Variants in RAI1 observed in about 807,000 individuals in gnomAD.
RAI1 encodes retinoic acid induced 1.
RAI1 carries 9 observed loss-of-function variants against 123.8 expected under a neutral mutation model. The ratio of observed to expected loss-of-function variants is 0.07; its 90% CI spans 0.04 to 0.13. The LOEUF is 0.13. RAI1 is among the 10% of genes least tolerant of loss of function. The probability of loss-of-function intolerance (pLI) is 1.00; values close to 1 mark genes in which losing one functional copy is unlikely to be tolerated. For synonymous variants in RAI1, 1,231 were observed against 1,127.3 expected (o/e 1.09, Z -1.84); for missense variants, 2,256 against 2,545.8 (o/e 0.89, Z 2.45).
Position 17,795,914 on chromosome 17 carries a change from A to T in RAI1, c.2966A>T (p.Lys989Ile), listed in dbSNP as rs762596233. The T allele has an allele frequency of 1.9e-6, 3 of 1,610,712 alleles. No homozygotes were observed. The highest frequency in any genetic ancestry group is 2.5e-6 in the Non-Finnish European group (3 of 1,179,726). Residue 989 changes from lysine to isoleucine, a missense_variant, in exon 3 of 6, where the codon AAA becomes ATA. By Grantham distance (102) the Lys-to-Ile change is moderately radical (BLOSUM62 -3). Around this residue, in one of 7 missense-constraint regions of RAI1, gnomAD observed 566 missense variants for 616.0 expected, o/e 0.92. Coordinates refer to ENST00000353383, the MANE Select transcript of RAI1 (RefSeq NM_030665.4). The surrounding 1 kb of genome is among the most constrained non-coding windows in gnomAD (Gnocchi z 5.9). ...GTGCCCGAGGCGCCCATCGCAAAGA[A>T]AGAGCCTGTGCCACGGGGCAAAAGC... ...PAVPEAPIAK[K>I]EPVPRGKSLR...
At chr17:17,763,749 CA>C (rs2030804697) in intron 2 of RAI1, among the ~76,000 whole-genome samples, 1 of 152,204 alleles carries the variant, frequency 6.6e-6, no homozygotes, top group Non-Finnish European at 1.5e-5. Context: ...GTCCAGGCCA[CA>C]AAAAGCCTAG....
At position 17,797,627 on chromosome 17, in the gene RAI1, G is replaced by A. The variant is rs779135088; in HGVS notation, c.4679G>A (p.Arg1560Gln). ...CCCTGTAAGGGGCGTGCCAAGCGAC[G>A]ACGACAGCAGCAGGTGCTGCCCCTG... ...SSPCKGRAKR[R>Q]RQQQVLPLDP... Residue 1560 changes from arginine (R) to glutamine (Q), a missense_variant, in exon 3 of 6, where the codon CGA (arginine) becomes CAA (glutamine). Physicochemically the swap from Arg to Gln is conservative, Grantham distance 43 (BLOSUM62 1). Transcript: ENST00000353383. The A allele has an allele frequency of 1.6e-5, 26 of 1,613,794 alleles. No individual in the cohort carries two copies. The highest frequency in any genetic ancestry group is 2.2e-5 in the East Asian group (1 of 44,884).
At chr17:17,789,885 C>T (rs767159168) in intron 2 of RAI1, among the ~76,000 whole-genome samples, 2 of 152,070 alleles carry the variant, frequency 1.3e-5, no homozygotes, top group African/African-American at 4.8e-5. Context: ...AGGAGTGAGC[C>T]CAGTGGGTGG....
chr17:17,710,081 C>T (rs1035022577), intron 1 of RAI1, among the ~76,000 whole-genome samples: 14 of 152,186 alleles, frequency 9.2e-5, no homozygotes, highest in East Asian at 1.9e-4. Flanking sequence ...GCCCCGGCCA[C>T]GCTCATGTCA....
intron 1 of RAI1, among the ~76,000 whole-genome samples, chr17:17,720,559 G>T (rs1215149271): frequency 3.9e-5 from 6 of 152,190 alleles, no homozygotes; most frequent in Non-Finnish European, 7.3e-5. Flanking sequence ...CAAGGCTTTG[G>T]GGTCCATGCA....
At chr17:17,754,844 T>C (rs1171081598) in intron 2 of RAI1, among the ~76,000 whole-genome samples, 1 of 152,166 alleles carries the variant, frequency 6.6e-6, no homozygotes, top group Non-Finnish European at 1.5e-5. Context: ...AGTAACTACA[T>C]AGTAGGTGCT....
chr17:17,737,811 C>T (rs1383771831), intron 2 of RAI1, among the ~76,000 whole-genome samples: 1 of 152,212 alleles, frequency 6.6e-6, no homozygotes, highest in Admixed American at 6.5e-5. Flanking sequence ...CCTCCGCCTA[C>T]TCCAGAGAAG....
intron 2 of RAI1, chr17:17,759,100 G>C (rs760694940): frequency 1.3e-5 from 2 of 152,256 alleles, no homozygotes; most frequent in Non-Finnish European, 2.9e-5. Flanking sequence ...GCGCAGGTGA[G>C]AACACCTGCC....
chr17:17,739,874 C>T (rs1051611322), intron 2 of RAI1, among the ~76,000 whole-genome samples: 1 of 152,226 alleles, frequency 6.6e-6, no homozygotes, highest in Non-Finnish European at 1.5e-5. Context: ...CGGGGGCTGA[C>T]CTTGTCACCT....
chr17:17,731,112 T>G lies in RAI1; in HGVS notation c.-17+6953T>G, dbSNP rs781641554. Among the ~76,000 whole-genome samples the G allele has an allele frequency of 1.3e-4, 19 of 151,996 alleles. 1 individual carries two copies. The highest frequency in any genetic ancestry group is 3.3e-4 in the Admixed American group (5 of 15,268). ...CAGCCCTTGGTAGCCCTCCTAGAGG[T>G]GAGGACGTGGGAGCAGAGGGGCCAC... On this transcript the variant is annotated intron_variant, in intron 2 of 5. Coordinates refer to ENST00000353383, the MANE Select transcript of RAI1 (RefSeq NM_030665.4).
intron 2 of RAI1, among the ~76,000 whole-genome samples, chr17:17,756,506 T>A (rs2030443674): frequency 1.3e-5 from 2 of 152,180 alleles, no homozygotes; most frequent in Admixed American, 1.3e-4. Context: ...TGAATGAATT[T>A]TTTTATTTTT....
At chr17:17,743,072 T>G (rs138337103) in intron 2 of RAI1, among the ~76,000 whole-genome samples, 275 of 152,288 alleles carry the variant, frequency 1.8e-3, no homozygotes, top group African/African-American at 6.4e-3. Context: ...CACCATAGCC[T>G]CAACCTCCCA....
intron 2 of RAI1, among the ~76,000 whole-genome samples, chr17:17,753,680 C>G (rs1441124178): frequency 3.9e-5 from 6 of 152,164 alleles, no homozygotes; most frequent in Non-Finnish European, 1.5e-5. Flanking sequence ...AGGGGTGGGG[C>G]TCAGGAATGC....
chr17:17,682,868 G>A (rs939994178), intron 1 of RAI1, among the ~76,000 whole-genome samples: 2 of 152,132 alleles, frequency 1.3e-5, no homozygotes, highest in African/African-American at 4.8e-5. Flanking sequence ...GGCGGGCCTC[G>A]GGCTCTGAAT....
intron 2 of RAI1, among the ~76,000 whole-genome samples, chr17:17,768,126 G>T (rs1382136007): frequency 2.0e-5 from 3 of 152,190 alleles, no homozygotes; most frequent in Non-Finnish European, 4.4e-5. Context: ...GTAATATGAG[G>T]ATTAAATCAT....
At chr17:17,707,364 T>C (rs1428635306) in intron 1 of RAI1, among the ~76,000 whole-genome samples, 1 of 151,970 alleles carries the variant, frequency 6.6e-6, no homozygotes, top group African/African-American at 2.4e-5. Context: ...ATGGGGGAGA[T>C]GCGTGCAGTT....
chr17:17,729,461 G>A (rs1290400251), intron 2 of RAI1, among the ~76,000 whole-genome samples: 1 of 152,200 alleles, frequency 6.6e-6, no homozygotes, highest in African/African-American at 2.4e-5. Flanking sequence ...TGTGTTCCCT[G>A]AGCCCAGCTT....
Position 17,797,996 on chromosome 17 carries a change from C to T in RAI1, c.5048C>T (p.Ser1683Phe). ...GTGGTTTCCAAGGCCCTGAGTACCT[C>T]TTGCCTTGTTTGCTGCCTCTGCCAA... Reference protein sequence around the residue: ...GPVVSKALSTSCLVCCLCQNP... With the variant: ...GPVVSKALSTFCLVCCLCQNP... The change falls in exon 3 of 6, where the codon TCT becomes TTT. Residue 1683 changes from serine (S) to phenylalanine (F), a missense_variant. Coordinates refer to ENST00000353383, the MANE Select transcript of RAI1 (RefSeq NM_030665.4). The T allele has an allele frequency of 6.2e-7, 1 of 1,614,130 alleles. No homozygotes were observed. Among genetic ancestry groups the T allele is most frequent in the East Asian group, 2.2e-5 (1 of 44,878 alleles).
intron 2 of RAI1, among the ~76,000 whole-genome samples, chr17:17,770,172 C>T (rs968071426): frequency 1.3e-5 from 2 of 152,046 alleles, no homozygotes; most frequent in African/African-American, 2.4e-5. Flanking sequence ...AGTGAGGCCT[C>T]TGGCCGGGGT....
Sources: allele counts gnomAD v4.1 joint callset (sites outside exome capture counted in the v4.1 genomes callset), GRCh38; gene constraint gnomAD v4.1.1; regional missense constraint gnomAD v4.1.1; non-coding constraint Gnocchi (gnomAD v3.1); transcripts MANE v1.5; gene names NCBI Gene and HGNC (gene_info 2026-07-23, HGNC 2026-07-21).